The following SORCS3 variants were observed in gnomAD, a reference collection of about 807,000 sequenced individuals.
The protein encoded by SORCS3 is sortilin related VPS10 domain containing receptor 3.
Under a neutral mutation model 146.3 loss-of-function variants are expected in SORCS3, and 57 were observed. That is an observed-to-expected ratio of 0.39 (90% CI 0.31 to 0.49). The LOEUF (loss-of-function observed/expected upper bound fraction) is 0.49, where lower values mean the gene tolerates loss of function less well. Ranked by LOEUF, SORCS3 falls within the 20% of genes least tolerant of loss-of-function variation. The pLI is 0.92. For missense variants in SORCS3, 1,341 were observed against 1,575.5 expected (o/e 0.85, Z 2.52); for synonymous variants, 653 against 618.5 (o/e 1.06, Z -0.83).
At chr10:105,252,701 ACACTCTGCTC>A (rs1247169234) in intron 22 of SORCS3, 64 bp from the exon 23 acceptor site, 1 of 1,589,456 alleles carries the variant, frequency 6.3e-7, no homozygotes, top group African/African-American at 1.4e-5. Flanking sequence ...CTGGCTGTGC[ACACTCTGCTC>A]TTGTCATTGA....
At chr10:105,224,813 A>G (rs906865567) in intron 20 of SORCS3, among the ~76,000 whole-genome samples, 3 of 152,072 alleles carry the variant, frequency 2.0e-5, no homozygotes, top group Admixed American at 6.6e-5. Flanking sequence ...ATTTTTGTTT[A>G]AATTTGGATT....
intron 23 of SORCS3, among the ~76,000 whole-genome samples, chr10:105,254,985 G>C (rs1042699274): frequency 4.0e-5 from 6 of 151,254 alleles, no homozygotes; most frequent in African/African-American, 1.5e-4. Context: ...TCAGGAGATC[G>C]AGACCATCCT....
intron 1 of SORCS3, among the ~76,000 whole-genome samples, chr10:104,669,834 G>A (rs2133256180): frequency 6.6e-6 from 1 of 151,470 alleles, no homozygotes; most frequent in Non-Finnish European, 1.5e-5. Context: ...GTTTTCAATA[G>A]TAGCTGTACC....
intron 5 of SORCS3, among the ~76,000 whole-genome samples, chr10:105,079,244 C>G (rs2055608042): frequency 6.6e-6 from 1 of 152,182 alleles, no homozygotes; most frequent in African/African-American, 2.4e-5. Context: ...GACTATTGCT[C>G]CAGACCAATT....
intron 13 of SORCS3, among the ~76,000 whole-genome samples, chr10:105,177,577 C>T (rs567609384): frequency 6.6e-6 from 1 of 152,174 alleles, no homozygotes; most frequent in African/African-American, 2.4e-5. Flanking sequence ...CCTAAAAGCC[C>T]CTTAAAGTGG....
intron 9 of SORCS3, among the ~76,000 whole-genome samples, chr10:105,153,390 T>G (rs1262596060): frequency 1.3e-5 from 2 of 152,228 alleles, no homozygotes; most frequent in Non-Finnish European, 2.9e-5. Flanking sequence ...TAAAATTTTG[T>G]GTGATTATGA....
intron 1 of SORCS3, among the ~76,000 whole-genome samples, chr10:104,703,520 A>G (rs1369094014): frequency 1.3e-5 from 2 of 148,778 alleles, no homozygotes; most frequent in African/African-American, 4.9e-5. Flanking sequence ...CAAACACTGC[A>G]TGTTCTCACT....
At chr10:104,691,906 A>G (rs1399076888) in intron 1 of SORCS3, among the ~76,000 whole-genome samples, 1 of 152,022 alleles carries the variant, frequency 6.6e-6, no homozygotes, top group Admixed American at 6.6e-5. Context: ...ACACCTGGCT[A>G]ATTTTTTGTT....
intron 2 of SORCS3, among the ~76,000 whole-genome samples, chr10:104,849,461 T>C (rs1206211105): frequency 1.3e-5 from 2 of 148,190 alleles, no homozygotes; most frequent in African/African-American, 2.5e-5. Flanking sequence ...CAGGTATTGG[T>C]AGTTCCCATG....
In SORCS3 at chr10:104,823,050, G is replaced by A. The variant is rs529832057; in HGVS notation, c.628-19742G>A. Among the ~76,000 whole-genome samples the A allele has an allele frequency of 7.2e-5, 11 of 152,268 alleles. No individual in the cohort carries two copies. The South Asian group carries it at 8.3e-4, about 11-fold the overall frequency. Reference sequence around the variant, plus strand: ...TTGTAAAAGGAGCTAAAGAGGTGACGAGACATGGGGGTGAGGCTAGGAGAT... The same window carrying A: ...TTGTAAAAGGAGCTAAAGAGGTGACAAGACATGGGGGTGAGGCTAGGAGAT... On this transcript the variant is annotated intron_variant, in intron 1 of 26. Transcript: ENST00000369701.
intron 4 of SORCS3, among the ~76,000 whole-genome samples, chr10:105,014,882 A>T (rs1175400804): frequency 6.6e-6 from 1 of 152,186 alleles, no homozygotes; most frequent in Non-Finnish European, 1.5e-5. Flanking sequence ...CCCTCACTAG[A>T]CACTGTATCT....
chr10:104,856,687 C>T (rs763432712), intron 2 of SORCS3, among the ~76,000 whole-genome samples: 90 of 145,898 alleles, frequency 6.2e-4, no homozygotes, highest in Non-Finnish European at 1.2e-3. Flanking sequence ...TAACAGTGGT[C>T]TCTCCCTTTC....
intron 1 of SORCS3, among the ~76,000 whole-genome samples, chr10:104,812,212 C>G (rs145479133): frequency 1.4e-3 from 207 of 152,252 alleles, no homozygotes; most frequent in Non-Finnish European, 2.5e-3. Context: ...GTGATCACTT[C>G]CCCACTAGCT....
chr10:105,005,534 T>TG (rs1162918482), intron 4 of SORCS3, among the ~76,000 whole-genome samples: 4 of 149,918 alleles, frequency 2.7e-5, no homozygotes, highest in Non-Finnish European at 5.9e-5. Context: ...TGTTCAGTAG[T>TG]GGGGGGAGGA....
chr10:104,864,992 C>T (rs2018444616), intron 2 of SORCS3, among the ~76,000 whole-genome samples: 2 of 152,204 alleles, frequency 1.3e-5, no homozygotes, highest in Non-Finnish European at 2.9e-5. Context: ...CCTGGCCATC[C>T]TATCTAAGAG....
At chr10:105,045,256 C>T (rs548937558) in intron 5 of SORCS3, among the ~76,000 whole-genome samples, 1 of 152,096 alleles carries the variant, frequency 6.6e-6, no homozygotes, top group African/African-American at 2.4e-5. Flanking sequence ...AAGGTTCTAG[C>T]TTCTGTCATC....
At chr10:104,937,555 G>A (rs938128208) in intron 3 of SORCS3, among the ~76,000 whole-genome samples, 3 of 152,046 alleles carry the variant, frequency 2.0e-5, no homozygotes, top group African/African-American at 4.8e-5. Flanking sequence ...CATTACTTTC[G>A]CTTACCACGA....
At chr10:105,196,409 G>A (rs2119604890) in intron 14 of SORCS3, among the ~76,000 whole-genome samples, 1 of 152,166 alleles carries the variant, frequency 6.6e-6, no homozygotes, top group African/African-American at 2.4e-5. Flanking sequence ...TTCGAGACTA[G>A]CCTGACCAAC....
At chr10:105,133,694 C>A (rs1392138659) in intron 7 of SORCS3, among the ~76,000 whole-genome samples, 2 of 152,130 alleles carry the variant, frequency 1.3e-5, no homozygotes, top group African/African-American at 4.8e-5. Flanking sequence ...ACAATTCCAG[C>A]ACTTTGGGAG....
Sources: allele counts gnomAD v4.1 joint callset (sites outside exome capture counted in the v4.1 genomes callset), GRCh38; gene constraint gnomAD v4.1.1; transcripts MANE v1.5; gene names NCBI Gene and HGNC (gene_info 2026-07-23, HGNC 2026-07-21).